Variants in INSR observed in about 807,000 individuals in gnomAD.
The protein encoded by INSR is insulin receptor, also known as IR.
INSR carries 67 observed loss-of-function variants against 142.6 expected under a neutral mutation model. The ratio of observed to expected loss-of-function variants is 0.47; its 90% confidence interval spans 0.39 to 0.58. The LOEUF is 0.58. Among genes scored for constraint, INSR ranks in the 20% least tolerant of loss-of-function variants. The pLI, the probability that INSR is intolerant of heterozygous loss-of-function variation, is 0.00. For synonymous variants in INSR, 756 were observed against 743.1 expected, an observed-to-expected ratio of 1.02 and a Z score of -0.28; for missense variants, 1,248 against 1,833.2, an observed-to-expected ratio of 0.68 and a Z score of 5.83.
chr19:7,272,539 A>G (rs139133819), intron 1 of INSR, among the ~76,000 whole-genome samples: 2 of 151,926 alleles, frequency 1.3e-5, no homozygotes, highest in African/African-American at 2.4e-5. Flanking sequence ...AATGGCTTGA[A>G]CCTAGGAGGC....
chr19:7,172,248 C>T, intron 5 of INSR, 42 bp downstream of exon 5: 1 of 1,611,272 alleles, frequency 6.2e-7, no homozygotes, highest in Non-Finnish European at 8.5e-7. Flanking sequence ...CACGAACTTC[C>T]TAGTTAGCAC....
intron 6 of INSR, among the ~76,000 whole-genome samples, chr19:7,169,668 C>T (rs1337660201): frequency 6.6e-6 from 1 of 150,832 alleles, no homozygotes. Flanking sequence ...CTAACTTCAA[C>T]TTGGCAGTCA....
chr19:7,215,372 T>A (rs1038815414), intron 2 of INSR, among the ~76,000 whole-genome samples: 16 of 151,918 alleles, frequency 1.1e-4, no homozygotes, highest in African/African-American at 3.9e-4. Context: ...AACACCACAA[T>A]GATCTCCCAG....
At chr19:7,191,954 TAAA>T (rs149079825) in intron 2 of INSR, among the ~76,000 whole-genome samples, 1 of 98,958 alleles carries the variant, frequency 1.0e-5, no homozygotes, top group Admixed American at 1.2e-4. Context: ...AGGAGAGAGA[TAAA>T]AAGAAAGAAG....
intron 2 of INSR, among the ~76,000 whole-genome samples, chr19:7,213,544 A>C (rs1006939538): frequency 7.9e-5 from 12 of 152,290 alleles, no homozygotes; most frequent in Middle Eastern, 3.4e-3. Flanking sequence ...TATGCAACAA[A>C]GGTTGCAAAT....
At chr19:7,259,980 A>T (rs1427930560) in intron 2 of INSR, among the ~76,000 whole-genome samples, 1 of 152,112 alleles carries the variant, frequency 6.6e-6, no homozygotes, top group Admixed American at 6.6e-5. Context: ...ATCTCAATTT[A>T]AAAAAATATT....
Position 7,211,215 on chromosome 19 carries a change from T to C in INSR, c.653-26578A>G, listed in dbSNP as rs191381552. On this transcript the variant is annotated intron_variant, in intron 2 of 21. Coordinates refer to ENST00000302850, the MANE Select transcript of INSR (RefSeq NM_000208.4). Reference sequence around the variant, plus strand: ...CCATGTAGCTGCGACTACAGGTGCATGTCACCATGCCCAGCTAATTTTTAT... The same window carrying C: ...CCATGTAGCTGCGACTACAGGTGCACGTCACCATGCCCAGCTAATTTTTAT... Among the ~76,000 whole-genome samples the C allele has an allele frequency of 9.9e-5, 15 of 152,134 alleles. No homozygotes were observed. The East Asian group carries it at 2.7e-3, about 27-fold the overall frequency.
In INSR at chr19:7,192,106, AAAAAG is replaced by A. The variant is rs1974610490; in HGVS notation, c.653-7474_653-7470del. Among the ~76,000 whole-genome samples the A allele has an allele frequency of 6.6e-6, 1 of 151,180 alleles. No homozygotes were observed. Among genetic ancestry groups the A allele is most frequent in the African/African-American group, 2.4e-5 (1 of 41,154 alleles). On this transcript the variant is annotated intron_variant, in intron 2 of 21. Transcript: ENST00000302850. The surrounding 1 kb of genome is among the most constrained non-coding windows in gnomAD (Gnocchi z 4.2). ...AAAGAAGAAAGAATACAGAAAGAGA[AAAAAG>A]AAAAGAAAGAGGGAGAAAGAAGAAA...
At chr19:7,130,300 C>G (rs950831058) in intron 14 of INSR, among the ~76,000 whole-genome samples, 4 of 151,402 alleles carry the variant, frequency 2.6e-5, no homozygotes, top group African/African-American at 9.7e-5. Flanking sequence ...TGAATTAACA[C>G]AGGGACAGAA....
rs1272466422 is a variant in INSR at position 7,267,270 on chromosome 19, T to C, written c.652+75A>G. ...CCTACCTAATGACCATTTAACATTT[T>C]TAAGCCATAAAACATTTTAAGCTTT... On this transcript the variant is annotated intron_variant, in intron 2 of 21. Transcript: ENST00000302850. This position sits in a 1 kb window ranked among gnomAD's most constrained non-coding sequence, Gnocchi z 6.3. 1.3e-6 allele frequency: 2 copies of C among 1,518,958 alleles called. No individual in the cohort carries two copies. Among genetic ancestry groups the C allele is most frequent in the African/African-American group, 2.7e-5 (2 of 72,980 alleles). The allele number at this position is 1,518,958 out of a possible 1,614,324, so 94.1% of individuals were successfully genotyped here.
chr19:7,230,136 C>T (rs915586043), intron 2 of INSR, among the ~76,000 whole-genome samples: 6 of 152,000 alleles, frequency 3.9e-5, no homozygotes, highest in African/African-American at 9.7e-5. Context: ...CTCAGAGGCT[C>T]GCACAGCACC....
intron 14 of INSR, among the ~76,000 whole-genome samples, chr19:7,131,123 GC>G (rs1972771131): frequency 6.7e-6 from 1 of 149,962 alleles, no homozygotes; most frequent in South Asian, 2.1e-4. Context: ...CAAGTGATCC[GC>G]CCACCTCGGC....
intron 13 of INSR, among the ~76,000 whole-genome samples, chr19:7,136,524 A>T (rs1972931525): frequency 6.6e-6 from 1 of 151,896 alleles, no homozygotes; most frequent in South Asian, 2.1e-4. Context: ...GCTTCTTCCC[A>T]TGCCTTTGAC....
chr19:7,138,429 TAGTG>T lies in INSR; in HGVS notation c.2682+3244_2682+3247del, dbSNP rs1972991903. Among the ~76,000 whole-genome samples, 6 of 152,070 alleles carry T rather than the reference TAGTG, an allele frequency of 3.9e-5. No individual in the cohort carries two copies. In the South Asian group the frequency reaches 1.0e-3, roughly 26 times the overall value. On this transcript the variant is annotated intron_variant, in intron 13 of 21. Coordinates refer to ENST00000302850, the MANE Select transcript of INSR (RefSeq NM_000208.4). ...TTGCTCTGTCACCCAGTCTGCAGTGTAGTGAGTGAGTCACAGCCCACTATAACCT... is the reference window on the plus strand; with the variant it reads ...TTGCTCTGTCACCCAGTCTGCAGTGTAGTGAGTCACAGCCCACTATAACCT...
chr19:7,123,128 C>A (rs1972535309), intron 17 of INSR, 139 bp from the exon 18 acceptor site: 3 of 686,886 alleles, frequency 4.4e-6, no homozygotes, highest in Admixed American at 4.3e-5. Flanking sequence ...TCTAGGAGAG[C>A]AGACATACCT....
At chr19:7,194,292 C>G (rs141456178) in intron 2 of INSR, among the ~76,000 whole-genome samples, 4 of 152,040 alleles carry the variant, frequency 2.6e-5, no homozygotes, top group Non-Finnish European at 5.9e-5. Flanking sequence ...TGGTAGGCAC[C>G]TATAATCCCA....
chr19:7,294,391 C>A lies in INSR; in HGVS notation c.-500G>T, dbSNP rs2860189. ...CCCGTCAGCTGGGCCCCGTGCGGGC[C>A]GCGGGAAAAGGCGGCGCGGATCTGG... On this transcript the variant is annotated 5_prime_UTR_variant, in exon 1 of 22. Transcript: ENST00000302850. Among the ~76,000 whole-genome samples the A allele has an allele frequency of 6.6e-6, 1 of 151,270 alleles. No individual in the cohort carries two copies. Among genetic ancestry groups the A allele is most frequent in the Non-Finnish European group, 1.5e-5 (1 of 67,736 alleles).
chr19:7,206,785 A>T (rs1371763550), intron 2 of INSR, among the ~76,000 whole-genome samples: 2 of 152,096 alleles, frequency 1.3e-5, no homozygotes. Context: ...ACAAACAAAA[A>T]AAGAGTCATC....
chr19:7,128,944 C>T lies in INSR; in HGVS notation c.2853G>A (p.Pro951=), dbSNP rs200564313. Residue 951 remains proline (P), a synonymous_variant, in exon 15 of 22, where the codon CCG becomes CCA. Coordinates refer to ENST00000302850, the MANE Select transcript of INSR (RefSeq NM_000208.4). ...CGATGATAATTTTTGCAATATTTGA[C>T]GGGACGTCTACTGAAATAGAATAAG... is the stretch of plus-strand genomic sequence containing the variant. ...YFYVTDYLDV[P]SNIAKIIIGP... 1.2e-4 allele frequency: 190 copies of T among 1,609,946 alleles called. 1 individual carries two copies. The East Asian group carries it at 2.8e-3, about 24-fold the overall frequency.
Sources: allele counts gnomAD v4.1 joint callset (sites outside exome capture counted in the v4.1 genomes callset), GRCh38; gene constraint gnomAD v4.1.1; non-coding constraint Gnocchi (gnomAD v3.1); transcripts MANE v1.5; gene names NCBI Gene and HGNC (gene_info 2026-07-23, HGNC 2026-07-21).